Variants in ABHD14B observed in about 807,000 individuals in gnomAD.
ABHD14B encodes abhydrolase domain containing 14B.
In ABHD14B, 19 loss-of-function variants were observed where a neutral mutation model predicts 15.4. That is an observed-to-expected ratio of 1.23 (90% CI 0.86 to 1.81). ABHD14B has a LOEUF of 1.81. Among genes scored for constraint, ABHD14B ranks in the 40% most tolerant of loss-of-function variants. The probability of loss-of-function intolerance (pLI) is 0.00; values close to 1 mark genes in which losing one functional copy is unlikely to be tolerated. For synonymous variants in ABHD14B, 92 were observed against 117.3 expected (o/e 0.78, Z 1.39); for missense variants, 243 against 267.0 (o/e 0.91, Z 0.63).
At chr3:51,972,307 C>T (rs373264356) in intron 1 of ABHD14B, among the ~76,000 whole-genome samples, 46 of 150,284 alleles carry the variant, frequency 3.1e-4, no homozygotes, top group African/African-American at 9.8e-4. Flanking sequence ...CGGTGGCACA[C>T]GCCTGTAATC....
rs749481598 is a variant in ABHD14B, at chr3:51,969,321, G to T, written c.*105C>A. On this transcript the variant is annotated 3_prime_UTR_variant, in exon 4 of 4. Coordinates refer to ENST00000361143, the MANE Select transcript of ABHD14B (RefSeq NM_001146314.2). ...CAAGAACCCAGACATATAGACAGAC[G>T]CACCTGTTGCATGTGCATGAGCCAG... The T allele has an allele frequency of 1.6e-5, 21 of 1,283,054 alleles. No homozygotes were observed. The highest frequency in any genetic ancestry group is 1.8e-5 in the Non-Finnish European group (17 of 926,602). The allele number at this position is 1,283,054 out of a possible 1,614,324, so 79.5% of individuals were successfully genotyped here. A position where few individuals can be genotyped will look rare whatever the true frequency, so the allele number is the denominator to read the frequency against.
chr3:51,971,604 C>T lies in ABHD14B; in HGVS notation c.67G>A (p.Glu23Lys). 1 of 1,613,432 alleles carries T rather than the reference C, an allele frequency of 6.2e-7. No homozygotes were observed. Among genetic ancestry groups the T allele is most frequent in the Non-Finnish European group, 8.5e-7 (1 of 1,179,918 alleles). The change falls in exon 2 of 4, where the codon GAG (glutamate) becomes AAG (lysine). Residue 23 changes from glutamate (E) to lysine (K), a missense_variant. Glu to Lys is a moderately conservative substitution (Grantham distance 56). Transcript: ENST00000361143. ...QVQGQALFFR[E>K]ALPGSGQARF... The stretch of plus-strand genomic sequence containing the variant: ...GCCTGCCCACTGCCGGGCAGGGCCT[C>T]TCGGAAGAAGAGGGCCTGGCCCTGC...
chr3:51,973,506 T>TTTTTTTTTTTTTTC (rs1559772660), intron 1 of ABHD14B, among the ~76,000 whole-genome samples: 20 of 122,676 alleles, frequency 1.6e-4, no homozygotes, highest in African/African-American at 7.9e-4. Context: ...TTTTCTTCGG[T>TTTTTTTTTTTTTTC]TTTTTTTTTT....
intron 1 of ABHD14B, 182 bp from the exon 2 acceptor site, chr3:51,971,880 T>C: frequency 8.1e-7 from 1 of 1,231,726 alleles, no homozygotes; most frequent in Non-Finnish European, 1.0e-6. Context: ...ACCTGGGGCC[T>C]CAGCTTCTTG....
At chr3:51,971,006 G>T (rs1299686290) in intron 2 of ABHD14B, among the ~76,000 whole-genome samples, 1 of 152,222 alleles carries the variant, frequency 6.6e-6, no homozygotes, top group African/African-American at 2.4e-5. Flanking sequence ...GAAGACTCAG[G>T]TCTCACTCCT....
At position 51,969,320 on chromosome 3, in the gene ABHD14B, C is replaced by T. The variant is rs926896777; in HGVS notation, c.*106G>A. The T allele has an allele frequency of 1.5e-5, 19 of 1,262,030 alleles. 1 individual carries two copies. Among genetic ancestry groups the T allele is most frequent in the East Asian group, 9.4e-5 (4 of 42,514 alleles). 78.2% of individuals were successfully genotyped at this position (1,262,030 alleles called of 1,614,324 possible). On this transcript the variant is annotated 3_prime_UTR_variant, in exon 4 of 4. Coordinates refer to ENST00000361143, the MANE Select transcript of ABHD14B (RefSeq NM_001146314.2). ...ACAAGAACCCAGACATATAGACAGA[C>T]GCACCTGTTGCATGTGCATGAGCCA...
intron 1 of ABHD14B, among the ~76,000 whole-genome samples, chr3:51,973,340 G>C (rs535456924): frequency 5.7e-4 from 86 of 151,446 alleles, no homozygotes; most frequent in African/African-American, 2.0e-3. Context: ...GTGAGCCACC[G>C]TGCACGGCCT....
chr3:51,974,282 G>T, upstream of ABHD14B: 1 of 344,910 alleles, frequency 2.9e-6, no homozygotes, highest in Non-Finnish European at 5.7e-6. Flanking sequence ...GTTCCTTCGG[G>T]ATCGCATCCT....
Position 51,971,456 on chromosome 3 carries a change from G to A in ABHD14B, c.211+4C>T. ...CCCTGCCCAGAAGCCTGCCCCTTAA[G>A]TACCTGGCAGGTCAATGGCCACAGC... On this transcript the variant is annotated splice_donor_region_variant and intron_variant, in intron 2 of 3. Coordinates refer to ENST00000361143, the MANE Select transcript of ABHD14B (RefSeq NM_001146314.2). 1.3e-6 allele frequency: 2 copies of A among 1,570,762 alleles called. No individual in the cohort carries two copies. The highest frequency in any genetic ancestry group is 1.7e-6 in the Non-Finnish European group (2 of 1,155,286).
rs1405173152 is a variant in ABHD14B at position 51,971,590 on chromosome 3, G to C, written c.81C>G (p.Gly27=). Residue 27 remains glycine, a synonymous_variant, in exon 2 of 4, where the codon GGC becomes GGG. Transcript: ENST00000361143. ...QALFFREALP[G]SGQARFSVLL... is the part of the protein sequence containing the mutation. Reference sequence around the variant, plus strand: ...GTACAGAGAAGCGAGCCTGCCCACTGCCGGGCAGGGCCTCTCGGAAGAAGA... The same window carrying C: ...GTACAGAGAAGCGAGCCTGCCCACTCCCGGGCAGGGCCTCTCGGAAGAAGA... 1 of 1,613,580 alleles carries C rather than the reference G, an allele frequency of 6.2e-7. No individual in the cohort carries two copies. The highest frequency in any genetic ancestry group is 2.2e-5 in the East Asian group (1 of 44,878).
rs764349089 is a variant in ABHD14B at position 51,971,593 on chromosome 3, G to A, written c.78C>T (p.Pro26=). ...CAGAGAAGCGAGCCTGCCCACTGCC[G>A]GGCAGGGCCTCTCGGAAGAAGAGGG... ...GQALFFREAL[P]GSGQARFSVL... Residue 26 remains proline (P), a synonymous_variant, in exon 2 of 4, where the codon CCC becomes CCT. Coordinates refer to ENST00000361143, the MANE Select transcript of ABHD14B (RefSeq NM_001146314.2). 278 of 1,613,302 alleles carry A rather than the reference G, an allele frequency of 1.7e-4. No individual in the cohort carries two copies. Among genetic ancestry groups the A allele is most frequent in the Middle Eastern group, 4.9e-4 (3 of 6,076 alleles).
At chr3:51,972,152 G>A (rs954581734) in intron 1 of ABHD14B, among the ~76,000 whole-genome samples, 15 of 149,242 alleles carry the variant, frequency 1.0e-4, no homozygotes, top group Non-Finnish European at 2.2e-4. Flanking sequence ...CAGGAGAATC[G>A]CTTGAACCCG....
chr3:51,972,522 G>C (rs999148993), intron 1 of ABHD14B, among the ~76,000 whole-genome samples: 1 of 152,120 alleles, frequency 6.6e-6, no homozygotes, highest in Non-Finnish European at 1.5e-5. Context: ...GCAGTGAGCC[G>C]AGAACGCGCC....
rs755199192 is a variant in ABHD14B, at chr3:51,969,987, TGGG to T, written c.406_408del (p.Pro136del). The T allele has an allele frequency of 1.7e-5, 27 of 1,613,986 alleles. No individual in the cohort carries two copies. The highest frequency in any genetic ancestry group is 2.3e-5 in the Non-Finnish European group (27 of 1,180,014). ...GCAGCATTGATTTTGTCAGTGCAGA[TGGG>T]GGCCACTGGCACAAAGCCCGGGAGC... On this transcript the variant is annotated inframe_deletion, in exon 3 of 4. Transcript: ENST00000361143.
chr3:51,971,673 C>A lies in ABHD14B; in HGVS notation c.-3G>T. ...CGCTGCTCCACGCTTGCTGCCATGC[C>A]TGCTGCTGCTGTGCTGGTGAAGGGC... On this transcript the variant is annotated 5_prime_UTR_variant, in exon 2 of 4. In the 5' UTR this introduces an upstream ATG that the reference lacks. Coordinates refer to ENST00000361143, the MANE Select transcript of ABHD14B (RefSeq NM_001146314.2). 1 of 1,607,432 alleles carries A rather than the reference C, an allele frequency of 6.2e-7. No individual in the cohort carries two copies. The highest frequency in any genetic ancestry group is 1.1e-5 in the South Asian group (1 of 90,364).
chr3:51,970,163 G>C lies in ABHD14B; in HGVS notation c.233C>G (p.Ala78Gly). The C allele has an allele frequency of 6.5e-7, 1 of 1,541,592 alleles. No individual in the cohort carries two copies. Among genetic ancestry groups the C allele is most frequent in the Non-Finnish European group, 8.7e-7 (1 of 1,146,088 alleles). The change falls in exon 3 of 4, where the codon GCA (alanine) becomes GGA (glycine). Residue 78 changes from alanine (A) to glycine (G), a missense_variant. Coordinates refer to ENST00000361143, the MANE Select transcript of ABHD14B (RefSeq NM_001146314.2). ...CTCCCCAATAGGGGCAGGGGCTGCT[G>C]CTTCCTTGGAGTGCCCCAGACCTGC... ...DLPGLGHSKE[A>G]AAPAPIGELA...
In ABHD14B at chr3:51,969,467, A is replaced by G. The variant is rs1247862845; in HGVS notation, c.592T>C (p.Trp198Arg). 6.2e-7 allele frequency: 1 copy of G among 1,613,628 alleles called. No homozygotes were observed. Among genetic ancestry groups the G allele is most frequent in the Admixed American group, 1.7e-5 (1 of 59,994 alleles). Residue 198 changes from tryptophan (W) to arginine (R), a missense_variant, in exon 4 of 4, where the codon TGG (tryptophan) becomes CGG (arginine). Physicochemically the swap from Trp to Arg is moderately radical, Grantham distance 101 (BLOSUM62 -3). Coordinates refer to ENST00000361143, the MANE Select transcript of ABHD14B (RefSeq NM_001146314.2). The part of the protein sequence containing the change: ...HPCYLDKPEE[W>R]HTGLLDFLQG... The stretch of plus-strand genomic sequence containing the variant: ...AGGAAGTCCAGCAGCCCTGTATGCC[A>G]CTCCTCTGGTTTGTCCAGGTAACAG...
chr3:51,974,178 C>A, upstream of ABHD14B: 1 of 652,534 alleles, frequency 1.5e-6, no homozygotes, highest in Non-Finnish European at 2.3e-6. Flanking sequence ...CCCAAAGCCT[C>A]TCGGTCTCAC....
chr3:51,969,301 A>C lies in ABHD14B; in HGVS notation c.*125T>G, dbSNP rs554393538. The C allele has an allele frequency of 6.3e-6, 7 of 1,119,858 alleles. No homozygotes were observed. The African/African-American group carries it at 1.1e-4, about 18-fold the overall frequency. The allele number at this position is 1,119,858 out of a possible 1,614,324, so 69.4% of individuals were successfully genotyped here. A position where few individuals can be genotyped will look rare whatever the true frequency, so the allele number is the denominator to read the frequency against. ...GACAAACAGACCACAAAAGACAAGAACCCAGACATATAGACAGACGCACCT... is the reference window on the plus strand; with the variant it reads ...GACAAACAGACCACAAAAGACAAGACCCCAGACATATAGACAGACGCACCT... On this transcript the variant is annotated 3_prime_UTR_variant, in exon 4 of 4. Coordinates refer to ENST00000361143, the MANE Select transcript of ABHD14B (RefSeq NM_001146314.2).
Sources: gnomAD v4.1 joint callset for allele counts (sites outside exome capture counted in the v4.1 genomes callset) on GRCh38, gnomAD v4.1.1 for gene constraint, MANE v1.5 for transcripts, NCBI Gene and HGNC (gene_info 2026-07-23, HGNC 2026-07-21) for gene names.